ILDR1: variants seen among roughly 807,000 people sequenced by gnomAD.
ILDR1 encodes immunoglobulin like domain containing receptor 1, also known as immunoglobulin-like domain-containing receptor 1.
Under a neutral mutation model 62.4 loss-of-function variants are expected in ILDR1, and 56 were observed. The observed-to-expected ratio is 0.90, with a 90% CI of 0.72 to 1.12. ILDR1 has a LOEUF of 1.12. Among genes scored for constraint, ILDR1 ranks in the 50% most tolerant of loss-of-function variants. ILDR1 has a pLI of 0.00. For missense variants in ILDR1, 736 were observed against 710.6 expected (o/e 1.04, Z -0.41); for synonymous variants, 284 against 277.8 (o/e 1.02, Z -0.22).
chr3:122,029,511 A>AAAAAATATATATATATATATATATATAT, the ILDR1 span, among the ~76,000 whole-genome samples: 1 of 139,478 alleles, frequency 7.2e-6, no homozygotes, highest in African/African-American at 2.8e-5. Context: ...GTCTAAAAAA[A>AAAAAATATATATATATATATATATATAT]ATATATATAT....
chr3:122,011,452 C>T (rs866916247), intron 1 of ILDR1, among the ~76,000 whole-genome samples: 6 of 152,200 alleles, frequency 3.9e-5, no homozygotes, highest in East Asian at 1.9e-4. Context: ...CCTTTACCAA[C>T]GTCAGCACTG....
intron 2 of ILDR1, among the ~76,000 whole-genome samples, chr3:122,006,688 G>A (rs2071615815): frequency 6.6e-6 from 1 of 152,138 alleles, no homozygotes; most frequent in Non-Finnish European, 1.5e-5. Flanking sequence ...CAGCACATTG[G>A]CATGGAACCA....
intron 7 of ILDR1, among the ~76,000 whole-genome samples, chr3:121,990,191 G>A (rs1377601933): frequency 1.3e-5 from 2 of 152,190 alleles, no homozygotes; most frequent in Non-Finnish European, 2.9e-5. Context: ...CAGCCCCAAG[G>A]AGAGGAGGGA....
chr3:122,038,572 G>A, the ILDR1 span, among the ~76,000 whole-genome samples: 1,282 of 152,144 alleles, frequency 8.4e-3, 19 homozygotes, highest in African/African-American at 0.028. Context: ...TATACAACAC[G>A]TCTAACTTGC....
At chr3:122,031,191 A>T in the ILDR1 span, among the ~76,000 whole-genome samples, 2 of 152,206 alleles carry the variant, frequency 1.3e-5, no homozygotes, top group African/African-American at 4.8e-5. Flanking sequence ...CATAACTCTA[A>T]ATAAGTAACA....
At chr3:122,032,410 TA>T in the ILDR1 span, among the ~76,000 whole-genome samples, 1 of 152,244 alleles carries the variant, frequency 6.6e-6, no homozygotes. Flanking sequence ...CTATTATGAA[TA>T]ATGATGCTAT....
At chr3:122,054,165 T>G in the ILDR1 span, among the ~76,000 whole-genome samples, 1 of 152,234 alleles carries the variant, frequency 6.6e-6, no homozygotes, top group Non-Finnish European at 1.5e-5. Flanking sequence ...TAAACTTCCT[T>G]GAAATAATAT....
chr3:122,007,574 C>A (rs964264377), intron 1 of ILDR1, among the ~76,000 whole-genome samples: 8 of 152,180 alleles, frequency 5.3e-5, no homozygotes, highest in African/African-American at 1.9e-4. Flanking sequence ...ACCAGGCCTA[C>A]GAAACCCGTT....
At chr3:122,048,287 C>T in the ILDR1 span, among the ~76,000 whole-genome samples, 7 of 152,212 alleles carry the variant, frequency 4.6e-5, no homozygotes, top group African/African-American at 1.4e-4. Flanking sequence ...ATAAATCCCA[C>T]TTGGTCATAG....
intron 5 of ILDR1, among the ~76,000 whole-genome samples, chr3:121,998,792 A>T (rs2071474749): frequency 6.6e-6 from 1 of 152,132 alleles, no homozygotes; most frequent in South Asian, 2.1e-4. Context: ...CCAATGCTGC[A>T]TCCTCCACGA....
chr3:122,005,038 G>A (rs912653269), intron 3 of ILDR1, among the ~76,000 whole-genome samples: 1 of 152,162 alleles, frequency 6.6e-6, no homozygotes, highest in African/African-American at 2.4e-5. Context: ...AACAACCTCT[G>A]GTCCAGAGAC....
intron 1 of ILDR1, among the ~76,000 whole-genome samples, chr3:122,013,857 A>G (rs1452533431): frequency 1.3e-5 from 2 of 152,206 alleles, no homozygotes; most frequent in African/African-American, 4.8e-5. Flanking sequence ...GGAAAGTGCT[A>G]TGTGCTGAGC....
At chr3:121,988,585 G>T (rs2071289202) in intron 7 of ILDR1, among the ~76,000 whole-genome samples, 177 bp from the exon 8 acceptor site, 1 of 152,150 alleles carries the variant, frequency 6.6e-6, no homozygotes. Flanking sequence ...TCTCTCCCCA[G>T]GCTTAGGTTT....
chr3:122,016,032 C>G (rs938289026), intron 1 of ILDR1, among the ~76,000 whole-genome samples: 1 of 152,218 alleles, frequency 6.6e-6, no homozygotes, highest in Non-Finnish European at 1.5e-5. Flanking sequence ...TACCATGACC[C>G]ATGCAGCCAT....
Position 121,993,945 on chromosome 3 carries a change from C to A in ILDR1, c.804G>T (p.Pro268=). The change falls in exon 7 of 8, where the codon CCG becomes CCT. Residue 268 remains proline, a synonymous_variant. Coordinates refer to ENST00000344209, the MANE Select transcript of ILDR1 (RefSeq NM_001199799.2). ...TGGTGGTCTGGGTCATTGGCATCTG[C>A]GGGAGGCTGGACGGCAGGGACAAAT... ...QRDLSLPSSL[P]QMPMTQTTNQ... is the part of the protein sequence containing the mutation. 2 of 1,612,178 alleles carry A rather than the reference C, an allele frequency of 1.2e-6. No homozygotes were observed. Among genetic ancestry groups the A allele is most frequent in the African/African-American group, 1.3e-5 (1 of 74,990 alleles).
At chr3:122,027,481 C>T in the ILDR1 span, among the ~76,000 whole-genome samples, 7 of 152,296 alleles carry the variant, frequency 4.6e-5, no homozygotes, top group East Asian at 9.6e-4. Context: ...TGAGCCACTG[C>T]GCCTGGCCTG....
chr3:122,006,887 T>G (rs1576727393), intron 2 of ILDR1, 104 bp downstream of exon 2: 1 of 1,259,788 alleles, frequency 7.9e-7, no homozygotes, highest in East Asian at 2.5e-5. Flanking sequence ...TGTCTTCTCC[T>G]CACTACCAAG....
At chr3:122,019,409 A>G (rs1396203499) in intron 1 of ILDR1, among the ~76,000 whole-genome samples, 1 of 152,180 alleles carries the variant, frequency 6.6e-6, no homozygotes, top group Non-Finnish European at 1.5e-5. Flanking sequence ...ACATGTCACA[A>G]TGTACTTGGA....
intron 7 of ILDR1, among the ~76,000 whole-genome samples, 172 bp from the exon 8 acceptor site, chr3:121,988,580 C>T (rs558668749): frequency 8.5e-5 from 13 of 152,312 alleles, no homozygotes; most frequent in African/African-American, 3.1e-4. Flanking sequence ...CAATCTCTCT[C>T]CCCAGGCTTA....
Sources: allele counts gnomAD v4.1 joint callset (sites outside exome capture counted in the v4.1 genomes callset), GRCh38; gene constraint gnomAD v4.1.1; transcripts MANE v1.5; gene names NCBI Gene and HGNC (gene_info 2026-07-23, HGNC 2026-07-21).